The following CCDC39 variants were observed in gnomAD, a reference collection of about 807,000 sequenced individuals.
CCDC39 encodes coiled-coil domain-containing protein 39.
A neutral mutation model predicts 121.0 loss-of-function variants in CCDC39; 113 were observed. The ratio of observed to expected loss-of-function variants is 0.93; its 90% CI spans 0.80 to 1.09. CCDC39 has a LOEUF of 1.09. CCDC39 is among the 50% of genes least tolerant of loss of function. The pLI is 0.00. For synonymous variants in CCDC39, 349 were observed against 352.2 expected, an observed-to-expected ratio of 0.99 and a Z score of 0.10; for missense variants, 1,063 against 1,074.7, an observed-to-expected ratio of 0.99 and a Z score of 0.15.
At chr3:180,659,857 C>CCTG in intron 4 of CCDC39, 88 bp from the exon 5 acceptor site, 1 of 744,876 alleles carries the variant, frequency 1.3e-6, no homozygotes, top group Non-Finnish European at 2.1e-6. Context: ...TAGTATTACA[C>CCTG]TATACATTTA....
chr3:180,660,763 AC>A, intron 3 of CCDC39, 35 bp from the exon 4 acceptor site: 1 of 1,561,736 alleles, frequency 6.4e-7, no homozygotes, highest in East Asian at 2.3e-5. Context: ...AGGGGAGATT[AC>A]AAAACATTAC....
chr3:180,642,767 G>T (rs879463078), intron 12 of CCDC39, among the ~76,000 whole-genome samples: 3 of 151,858 alleles, frequency 2.0e-5, no homozygotes, highest in African/African-American at 2.4e-5. Context: ...CTTAAGAGAT[G>T]AAATCAACGT....
At chr3:180,631,613 T>A (rs1235094009) in intron 13 of CCDC39, 21 bp from the exon 14 acceptor site, 1 of 1,588,190 alleles carries the variant, frequency 6.3e-7, no homozygotes, top group South Asian at 1.1e-5. Context: ...AAAGAAACAC[T>A]GAGAAATGAA....
At chr3:180,642,257 A>T (rs1361599385) in intron 12 of CCDC39, 56 bp from the exon 13 acceptor site, 33 of 1,175,624 alleles carry the variant, frequency 2.8e-5, no homozygotes, top group Admixed American at 9.0e-5. Flanking sequence ...GCAAAACCAA[A>T]ATTTTTTTTA....
intron 11 of CCDC39, among the ~76,000 whole-genome samples, chr3:180,645,404 T>C (rs1214797964): frequency 6.6e-6 from 1 of 152,050 alleles, no homozygotes; most frequent in East Asian, 1.9e-4. Context: ...TGTGCTCTTA[T>C]TCCCTTCTTG....
At chr3:180,645,261 T>C (rs1279145234) in intron 11 of CCDC39, among the ~76,000 whole-genome samples, 1 of 152,172 alleles carries the variant, frequency 6.6e-6, no homozygotes, top group Non-Finnish European at 1.5e-5. Context: ...AATCACATAT[T>C]GCTAAAGAGA....
chr3:180,677,169 TATATATATATATATATATA>T (rs1712250808), intron 1 of CCDC39, among the ~76,000 whole-genome samples: 4 of 4,552 alleles, frequency 8.8e-4, no homozygotes, highest in Non-Finnish European at 1.3e-3. Flanking sequence ...ATAATAATTT[TATATATATATATATATATA>T]TATATATATA....
At chr3:180,626,013 G>A (rs1030383204) in intron 14 of CCDC39, among the ~76,000 whole-genome samples, 1 of 152,024 alleles carries the variant, frequency 6.6e-6, no homozygotes, top group Non-Finnish European at 1.5e-5. Flanking sequence ...ACATGCAGGC[G>A]GGTTTTCAGG....
chr3:180,618,034 T>A (rs1717313262), intron 16 of CCDC39, among the ~76,000 whole-genome samples: 1 of 152,130 alleles, frequency 6.6e-6, no homozygotes, highest in African/African-American at 2.4e-5. Context: ...TGTTTAGATT[T>A]GTTTAGATAC....
chr3:180,641,880 C>T, intron 13 of CCDC39, 113 bp downstream of exon 13: 1 of 632,436 alleles, frequency 1.6e-6, no homozygotes, highest in Non-Finnish European at 2.6e-6. Flanking sequence ...ATATGAAAAG[C>T]CATTTCGAAT....
At chr3:180,678,268 T>G (rs1306861383) in intron 1 of CCDC39, among the ~76,000 whole-genome samples, 1 of 152,190 alleles carries the variant, frequency 6.6e-6, no homozygotes, top group Non-Finnish European at 1.5e-5. Flanking sequence ...GGGGAAAAAT[T>G]GCAGTCTTCT....
intron 13 of CCDC39, among the ~76,000 whole-genome samples, chr3:180,634,041 A>C (rs1448380598): frequency 6.6e-6 from 1 of 152,132 alleles, no homozygotes; most frequent in African/African-American, 2.4e-5. Flanking sequence ...CTGAGCTTAC[A>C]GCACACTACA....
At chr3:180,652,356 T>A in intron 7 of CCDC39, 90 bp from the exon 8 acceptor site, 1 of 742,122 alleles carries the variant, frequency 1.3e-6, no homozygotes, top group Non-Finnish European at 2.1e-6. Flanking sequence ...CCACTTTAAG[T>A]TCTAACCTAC....
At chr3:180,657,130 A>C (rs16831825) in intron 6 of CCDC39, among the ~76,000 whole-genome samples, 37 of 152,286 alleles carry the variant, frequency 2.4e-4, no homozygotes, top group African/African-American at 8.7e-4. Context: ...TGGTAACAGT[A>C]TGAAAATAAT....
At chr3:180,651,267 C>A (rs1718201470) in intron 9 of CCDC39, 134 bp downstream of exon 9, 3 of 669,678 alleles carry the variant, frequency 4.5e-6, no homozygotes, top group South Asian at 4.4e-5. Flanking sequence ...GGTCCAAAAC[C>A]AGATTATAAA....
At chr3:180,653,057 C>T (rs1425850908) in intron 7 of CCDC39, among the ~76,000 whole-genome samples, 1 of 152,156 alleles carries the variant, frequency 6.6e-6, no homozygotes, top group Admixed American at 6.5e-5. Flanking sequence ...ATACTGTTAA[C>T]ATGGTCATAC....
chr3:180,661,854 C>T lies in CCDC39; in HGVS notation c.357+7G>A, dbSNP rs1346366414. The T allele has an allele frequency of 6.4e-7, 1 of 1,572,562 alleles. No individual in the cohort carries two copies. The highest frequency in any genetic ancestry group is 8.6e-7 in the Non-Finnish European group (1 of 1,156,876). On this transcript the variant is annotated splice_region_variant and intron_variant, in intron 3 of 19. Coordinates refer to ENST00000476379, the MANE Select transcript of CCDC39 (RefSeq NM_181426.2). ...CACAGAATTTTAAGTAATATTTCAACATATACTTCTTTATCACTTTTCTTT... is the reference window on the plus strand; with the variant it reads ...CACAGAATTTTAAGTAATATTTCAATATATACTTCTTTATCACTTTTCTTT...
rs1253995342 is a variant in CCDC39, at chr3:180,654,880, CT to C, written c.811del (p.Ser271ValfsTer21). ...LVKEKIKFLE[S>X]EIGNNTEFEK... ...AAACTCTGTGTTATTCCCAATCTCA[CT>C]TTCCAAAAACTTGATCTTTTCTTTA... On this transcript the variant is annotated frameshift_variant, in exon 7 of 20. Transcript: ENST00000476379. LOFTEE classifies it high-confidence loss of function. 3 of 1,595,964 alleles carry C rather than the reference CT, an allele frequency of 1.9e-6. No homozygotes were observed. Among genetic ancestry groups the C allele is most frequent in the Non-Finnish European group, 1.7e-6 (2 of 1,173,544 alleles).
rs540642253 is a variant in CCDC39, at chr3:180,670,828, A to G, written c.91-6842T>C. Among the ~76,000 whole-genome samples the G allele has an allele frequency of 3.9e-5, 6 of 152,288 alleles. No homozygotes were observed. In the South Asian group the frequency reaches 1.2e-3, roughly 32 times the overall value. ...TTCAACCAAATTGAGAACTAGCTAA[A>G]GCAGGGATGAAGGGGAAGCAGCTTT... is the stretch of plus-strand genomic sequence containing the variant. On this transcript the variant is annotated intron_variant, in intron 1 of 19. Transcript: ENST00000476379.
Sources: allele counts gnomAD v4.1 joint callset (sites outside exome capture counted in the v4.1 genomes callset), GRCh38; gene constraint gnomAD v4.1.1; transcripts MANE v1.5; gene names NCBI Gene and HGNC (gene_info 2026-07-23, HGNC 2026-07-21).